The following TRIM17 variants were observed in gnomAD, a reference collection of about 807,000 sequenced individuals.
TRIM17 encodes the protein tripartite motif containing 17.
In TRIM17, 27 loss-of-function variants were observed where a neutral mutation model predicts 35.8. That is an observed-to-expected ratio of 0.75 (90% confidence interval 0.56 to 1.04). TRIM17 has a LOEUF of 1.04. Ranked by LOEUF, TRIM17 falls within the 50% of genes least tolerant of loss-of-function variation. TRIM17 has a pLI of 0.00. For synonymous variants in TRIM17, 246 were observed against 252.6 expected (o/e 0.97, Z 0.25); for missense variants, 582 against 612.8 (o/e 0.95, Z 0.53).
Position 228,411,093 on chromosome 1 carries a change from G to A in TRIM17, c.609C>T (p.Leu203=). Residue 203 remains leucine (L), a synonymous_variant, in exon 4 of 7, where the codon CTC becomes CTT. Transcript: ENST00000366698. This position sits in a 1 kb window ranked among gnomAD's most constrained non-coding sequence, Gnocchi z 4.2. The part of the protein sequence containing the change: ...NLYLVEEEQR[L]LQALETEEEE... Reference sequence around the variant, plus strand: ...CTTCTTCCGTCTCCAGAGCCTGGAGGAGCCTCTGCTCTTCTTCCACCAGGT... The same window carrying A: ...CTTCTTCCGTCTCCAGAGCCTGGAGAAGCCTCTGCTCTTCTTCCACCAGGT... 1 of 1,614,096 alleles carries A rather than the reference G, an allele frequency of 6.2e-7. No homozygotes were observed. The highest frequency in any genetic ancestry group is 1.7e-5 in the Admixed American group (1 of 60,028).
At chr1:228,412,093 C>T (rs1166959052) in intron 3 of TRIM17, among the ~76,000 whole-genome samples, 4 of 152,132 alleles carry the variant, frequency 2.6e-5, no homozygotes, top group East Asian at 1.9e-4. Flanking sequence ...TGAATGCTGA[C>T]GCCCACCCTT....
rs897136867 is a variant in TRIM17, at chr1:228,411,428, G to A, written c.526-252C>T. Among the ~76,000 whole-genome samples the A allele has an allele frequency of 2.0e-5, 3 of 152,222 alleles. No individual in the cohort carries two copies. The highest frequency in any genetic ancestry group is 4.4e-5 in the Non-Finnish European group (3 of 68,044). On this transcript the variant is annotated intron_variant, in intron 3 of 6. Coordinates refer to ENST00000366698, the MANE Select transcript of TRIM17 (RefSeq NM_016102.4). The surrounding 1 kb of genome is among the most constrained non-coding windows in gnomAD (Gnocchi z 4.2). ...CCCTTGCTCTGAGGAGGTTCAGAATGTCCACCCCCAGATAAGCCTCTTGGG... is the reference window on the plus strand; with the variant it reads ...CCCTTGCTCTGAGGAGGTTCAGAATATCCACCCCCAGATAAGCCTCTTGGG...
chr1:228,416,402 T>C, intron 1 of TRIM17, 137 bp downstream of exon 1: 2 of 972,736 alleles, frequency 2.1e-6, no homozygotes, highest in African/African-American at 1.8e-5. Flanking sequence ...TGAAGCGCGC[T>C]AGCCCCTCCA....
At chr1:228,414,259 C>A (rs191399632) in intron 2 of TRIM17, among the ~76,000 whole-genome samples, 1 of 152,232 alleles carries the variant, frequency 6.6e-6, no homozygotes, top group Non-Finnish European at 1.5e-5. Flanking sequence ...TCCTCAGGTA[C>A]ATGTTTGGCT....
Position 228,408,019 on chromosome 1 carries a change from A to G in TRIM17, c.*182T>C. ...AAGTTTCCTCTAGGAAGCATCTGTC[A>G]GTATACCCTCTTAATGTTTGACAGT... is the stretch of plus-strand genomic sequence containing the variant. On this transcript the variant is annotated 3_prime_UTR_variant, in exon 7 of 7. Transcript: ENST00000366698. This position sits in a 1 kb window ranked among gnomAD's most constrained non-coding sequence, Gnocchi z 6.3. 1 of 513,938 alleles carries G rather than the reference A, an allele frequency of 1.9e-6. No individual in the cohort carries two copies. Among genetic ancestry groups the G allele is most frequent in the Non-Finnish European group, 3.2e-6 (1 of 311,910 alleles). 31.8% of individuals were successfully genotyped at this position (513,938 alleles called of 1,614,324 possible).
rs1656774671 is a variant in TRIM17, at chr1:228,411,324, C to T, written c.526-148G>A. ...CCAGGAACTGTGACAGAGGCCCCCA[C>T]CTCTGCCATCCTGTGATACACTGAG... On this transcript the variant is annotated intron_variant, in intron 3 of 6. Coordinates refer to ENST00000366698, the MANE Select transcript of TRIM17 (RefSeq NM_016102.4). The surrounding 1 kb of genome is among the most constrained non-coding windows in gnomAD (Gnocchi z 4.2). 1.6e-6 allele frequency: 1 copy of T among 643,654 alleles called. No homozygotes were observed. Among genetic ancestry groups the T allele is most frequent in the Non-Finnish European group, 2.7e-6 (1 of 374,900 alleles). 39.9% of individuals were successfully genotyped at this position (643,654 alleles called of 1,614,324 possible).
chr1:228,408,024 A>T lies in TRIM17; in HGVS notation c.*177T>A. On this transcript the variant is annotated 3_prime_UTR_variant, in exon 7 of 7. Transcript: ENST00000366698. The surrounding 1 kb of genome is among the most constrained non-coding windows in gnomAD (Gnocchi z 6.3). ...TCCTCTAGGAAGCATCTGTCAGTATACCCTCTTAATGTTTGACAGTTCTAA... is the reference window on the plus strand; with the variant it reads ...TCCTCTAGGAAGCATCTGTCAGTATTCCCTCTTAATGTTTGACAGTTCTAA... 1.8e-6 allele frequency: 1 copy of T among 542,768 alleles called. No individual in the cohort carries two copies. The highest frequency in any genetic ancestry group is 3.0e-6 in the Non-Finnish European group (1 of 331,560). 33.6% of individuals were successfully genotyped at this position (542,768 alleles called of 1,614,324 possible).
rs748676524 is a variant in TRIM17 at position 228,409,383 on chromosome 1, A to G, written c.779+6T>C. ...GCCCCCGCCCCTGCCTGAGGGGACCACATACCTGCTCAGGGGTTCCTTCAT... is the reference window on the plus strand; with the variant it reads ...GCCCCCGCCCCTGCCTGAGGGGACCGCATACCTGCTCAGGGGTTCCTTCAT... On this transcript the variant is annotated splice_donor_region_variant and intron_variant, in intron 5 of 6. Transcript: ENST00000366698. The G allele has an allele frequency of 2.0e-6, 3 of 1,533,206 alleles. No individual in the cohort carries two copies. The highest frequency in any genetic ancestry group is 2.6e-6 in the Non-Finnish European group (3 of 1,139,958). The allele number at this position is 1,533,206 out of a possible 1,614,324, so 95.0% of individuals were successfully genotyped here.
At chr1:228,412,407 C>T (rs1164096382) in intron 3 of TRIM17, among the ~76,000 whole-genome samples, 2 of 152,122 alleles carry the variant, frequency 1.3e-5, no homozygotes, top group Admixed American at 1.3e-4. Context: ...AGCTGTATCA[C>T]TTGGGAGGCA....
rs1255349239 is a variant in TRIM17 at position 228,409,218 on chromosome 1, A to T, written c.837T>A (p.Thr279=). ...CAATCTGTCCGGGAACTCTGCACAC[A>T]GTCCTGGGTCTGGTTGGGGGGGCAA... ...PEVAPPTRPR[T]VCRVPGQIEV... is the part of the protein sequence containing the mutation. The change falls in exon 6 of 7, where the codon ACT becomes ACA. Residue 279 remains threonine, a synonymous_variant. Coordinates refer to ENST00000366698, the MANE Select transcript of TRIM17 (RefSeq NM_016102.4). 2 of 1,613,832 alleles carry T rather than the reference A, an allele frequency of 1.2e-6. No individual in the cohort carries two copies. Among genetic ancestry groups the T allele is most frequent in the African/African-American group, 2.7e-5 (2 of 74,858 alleles).
In TRIM17 at chr1:228,410,916, C is replaced by G. The variant is rs1225218502; in HGVS notation, c.756+30G>C. On this transcript the variant is annotated intron_variant, in intron 4 of 6. Transcript: ENST00000366698. The surrounding 1 kb of genome is among the most constrained non-coding windows in gnomAD (Gnocchi z 4.6). ...GCCCATGCCTGTCAGAGCTCACATC[C>G]CACCCTGCCTGCCAAGCCTACTGGC... The G allele has an allele frequency of 2.1e-6, 3 of 1,453,840 alleles. No individual in the cohort carries two copies. Among genetic ancestry groups the G allele is most frequent in the Non-Finnish European group, 2.7e-6 (3 of 1,093,314 alleles). The allele number at this position is 1,453,840 out of a possible 1,614,324, so 90.1% of individuals were successfully genotyped here.
Position 228,408,269 on chromosome 1 carries a change from A to G in TRIM17, c.1366T>C (p.Phe456Leu), listed in dbSNP as rs746074695. ...ATFPGPLQPF[F>L]CLGAPKSGQM... is the part of the protein sequence containing the mutation. ...CCAGACTTCGGAGCCCCCAGGCAGA[A>G]GAAAGGCTGCAGGGGGCCTGGGAAG... is the stretch of plus-strand genomic sequence containing the variant. The change falls in exon 7 of 7, where the codon TTC (phenylalanine) becomes CTC (leucine). Residue 456 changes from phenylalanine (F) to leucine (L), a missense_variant. Physicochemically the swap from Phe to Leu is conservative, Grantham distance 22 (BLOSUM62 0). Coordinates refer to ENST00000366698, the MANE Select transcript of TRIM17 (RefSeq NM_016102.4). The surrounding 1 kb of genome is among the most constrained non-coding windows in gnomAD (Gnocchi z 6.3). 1.8e-5 allele frequency: 28 copies of G among 1,588,648 alleles called. No individual in the cohort carries two copies. Among genetic ancestry groups the G allele is most frequent in the Non-Finnish European group, 2.4e-5 (28 of 1,166,268 alleles).
At chr1:228,409,026 C>G in intron 6 of TRIM17, 146 bp downstream of exon 6, 1 of 1,601,290 alleles carries the variant, frequency 6.2e-7, no homozygotes, top group Non-Finnish European at 8.5e-7. Flanking sequence ...CGCCGCCCTA[C>G]GAAGGCACAG....
rs1268787076 is a variant in TRIM17 at position 228,408,394 on chromosome 1, G to A, written c.1241C>T (p.Pro414Leu). 3 of 1,614,184 alleles carry A rather than the reference G, an allele frequency of 1.9e-6. No homozygotes were observed. The highest frequency in any genetic ancestry group is 3.3e-5 in the Admixed American group (2 of 60,020). The change falls in exon 7 of 7, where the codon CCT becomes CTT. Residue 414 changes from proline (P) to leucine (L), a missense_variant. Physicochemically the swap from Pro to Leu is moderately conservative, Grantham distance 98. Transcript: ENST00000366698. The surrounding 1 kb of genome is among the most constrained non-coding windows in gnomAD (Gnocchi z 6.3). Reference sequence around the variant, plus strand: ...CAGGAAGATGCCCATGTGGCTGGGAGGCTCCATCAGCATGACCGGGGTTAG... The same window carrying A: ...CAGGAAGATGCCCATGTGGCTGGGAAGCTCCATCAGCATGACCGGGGTTAG... ...SALTPVMLME[P>L]PSHMGIFLDF...
At position 228,409,235 on chromosome 1, in the gene TRIM17, G is replaced by C. The variant is rs149687443; in HGVS notation, c.820C>G (p.Pro274Ala). ...CTGCACACAGTCCTGGGTCTGGTTG[G>C]GGGGGCAACCTCTGGGCACTGCACA... The part of the protein sequence containing the change: ...VSVQCPEVAP[P>A]TRPRTVCRVP... The change falls in exon 6 of 7, where the codon CCA (proline) becomes GCA (alanine). Residue 274 changes from proline to alanine, a missense_variant. Transcript: ENST00000366698. 1.4e-5 allele frequency: 23 copies of C among 1,613,744 alleles called. No homozygotes were observed. Among genetic ancestry groups the C allele is most frequent in the Middle Eastern group, 3.3e-4 (2 of 6,082 alleles).
At position 228,414,864 on chromosome 1, in the gene TRIM17, G is replaced by C. The variant is rs112322996; in HGVS notation, c.209C>G (p.Pro70Arg). The C allele has an allele frequency of 6.2e-7, 1 of 1,613,642 alleles. No individual in the cohort carries two copies. Among genetic ancestry groups the C allele is most frequent in the Non-Finnish European group, 8.5e-7 (1 of 1,180,020 alleles). The change falls in exon 2 of 7, where the codon CCG (proline) becomes CGG (arginine). Residue 70 changes from proline to arginine, a missense_variant. Coordinates refer to ENST00000366698, the MANE Select transcript of TRIM17 (RefSeq NM_016102.4). ...CCGGTTGGGCAGCAGGTTCCTCTGCGGGGACATCTCTCTGCACTCGGGGCA... is the reference window on the plus strand; with the variant it reads ...CCGGTTGGGCAGCAGGTTCCTCTGCCGGGACATCTCTCTGCACTCGGGGCA... ...FPCPECREMS[P>R]QRNLLPNRLL... is the part of the protein sequence containing the mutation.
chr1:228,415,334 C>T, intron 1 of TRIM17: 1 of 453,624 alleles, frequency 2.2e-6, no homozygotes. Context: ...CTCTCCTCTC[C>T]ACTGGGCCTG....
Position 228,410,889 on chromosome 1 carries a change from C to G in TRIM17, c.756+57G>C. ...GCCTCTTCCCCAAGCCCAGCGCCCC[C>G]TGCCCATGCCTGTCAGAGCTCACAT... On this transcript the variant is annotated intron_variant, in intron 4 of 6. Transcript: ENST00000366698. The surrounding 1 kb of genome is among the most constrained non-coding windows in gnomAD (Gnocchi z 4.6). 1 of 1,280,692 alleles carries G rather than the reference C, an allele frequency of 7.8e-7. No individual in the cohort carries two copies. Among genetic ancestry groups the G allele is most frequent in the Non-Finnish European group, 1.0e-6 (1 of 955,350 alleles). The allele number at this position is 1,280,692 out of a possible 1,614,324, so 79.3% of individuals were successfully genotyped here.
At position 228,413,794 on chromosome 1, in the gene TRIM17, C is replaced by T; in HGVS notation, c.525+3G>A. The T allele has an allele frequency of 6.2e-7, 1 of 1,613,424 alleles. No individual in the cohort carries two copies. The highest frequency in any genetic ancestry group is 8.5e-7 in the Non-Finnish European group (1 of 1,179,400). On this transcript the variant is annotated splice_donor_region_variant and intron_variant, in intron 3 of 6. Transcript: ENST00000366698. ...AAGGGACTGGACAGCCCTGGGCACC[C>T]ACCTGCCACTCGGCTAAGCTCTGCT...
Sources: allele counts gnomAD v4.1 joint callset (sites outside exome capture counted in the v4.1 genomes callset), GRCh38; gene constraint gnomAD v4.1.1; non-coding constraint Gnocchi (gnomAD v3.1); transcripts MANE v1.5; gene names NCBI Gene and HGNC (gene_info 2026-07-23, HGNC 2026-07-21).